The following ANK2 variants were observed in gnomAD, a reference collection of about 807,000 sequenced individuals.
ANK2 encodes the protein ankyrin 2.
ANK2 carries 83 observed loss-of-function variants against 360.5 expected under a neutral mutation model. That is an observed-to-expected ratio of 0.23 (90% CI 0.19 to 0.28). The LOEUF (loss-of-function observed/expected upper bound fraction) is 0.28, where lower values mean the gene tolerates loss of function less well. Ranked by LOEUF, ANK2 falls within the 10% of genes least tolerant of loss-of-function variation. ANK2 has a pLI of 1.00. For synonymous variants in ANK2, 1,740 were observed against 1,759.5 expected (o/e 0.99, Z 0.28); for missense variants, 4,201 against 4,795.7 (o/e 0.88, Z 3.66).
chr4:113,326,289 T>C (rs1339786802), intron 26 of ANK2, among the ~76,000 whole-genome samples: 4 of 152,202 alleles, frequency 2.6e-5, no homozygotes, highest in Non-Finnish European at 4.4e-5. Context: ...TATCAACTGT[T>C]GGGATTCACT....
intron 1 of ANK2, among the ~76,000 whole-genome samples, chr4:113,102,512 A>G (rs549300667): frequency 1.3e-5 from 2 of 152,216 alleles, no homozygotes; most frequent in Admixed American, 1.3e-4. Context: ...ATAGGCTAAG[A>G]AGAGAGGAAG....
At chr4:113,190,491 T>C (rs887870266) in intron 2 of ANK2, among the ~76,000 whole-genome samples, 1 of 151,636 alleles carries the variant, frequency 6.6e-6, no homozygotes, top group African/African-American at 2.4e-5. Context: ...TTTTTTTTTC[T>C]AATTTTGATG....
At chr4:112,748,849 A>G in the ANK2 span, among the ~76,000 whole-genome samples, 1 of 152,240 alleles carries the variant, frequency 6.6e-6, no homozygotes, top group Non-Finnish European at 1.5e-5. Flanking sequence ...AGCTGGAGGT[A>G]GAGATTGTCC....
At chr4:113,132,801 A>G (rs1423694230) in intron 1 of ANK2, among the ~76,000 whole-genome samples, 2 of 152,156 alleles carry the variant, frequency 1.3e-5, no homozygotes, top group Non-Finnish European at 2.9e-5. Flanking sequence ...TCCAGCAGCC[A>G]TCTATACTTG....
intron 2 of ANK2, among the ~76,000 whole-genome samples, chr4:112,915,118 C>T (rs146615341): frequency 6.6e-6 from 1 of 152,132 alleles, no homozygotes; most frequent in Non-Finnish European, 1.5e-5. Context: ...ATGAGTTCTA[C>T]TGAATTGAAC....
At chr4:112,917,303 C>A (rs2090159786) in intron 2 of ANK2, among the ~76,000 whole-genome samples, 1 of 152,220 alleles carries the variant, frequency 6.6e-6, no homozygotes, top group East Asian at 1.9e-4. Flanking sequence ...GTCAATTCTA[C>A]AAACTTTTAA....
chr4:112,710,614 C>T, the ANK2 span, among the ~76,000 whole-genome samples: 2 of 151,768 alleles, frequency 1.3e-5, no homozygotes, highest in African/African-American at 4.8e-5. Context: ...AGGAGAATAG[C>T]TTGGACTCAG....
intron 1 of ANK2, among the ~76,000 whole-genome samples, chr4:113,112,807 G>C (rs1427371593): frequency 6.6e-6 from 1 of 152,140 alleles, no homozygotes; most frequent in African/African-American, 2.4e-5. Flanking sequence ...CGCCTGTTTT[G>C]ATTTGGAGCT....
chr4:113,250,879 A>G (rs2045969460), intron 10 of ANK2, among the ~76,000 whole-genome samples: 1 of 151,958 alleles, frequency 6.6e-6, no homozygotes, highest in Non-Finnish European at 1.5e-5. Flanking sequence ...TTGAAACAAA[A>G]CTAGCCCATA....
At chr4:112,991,304 C>G (rs1369265093) in intron 2 of ANK2, among the ~76,000 whole-genome samples, 3 of 151,222 alleles carry the variant, frequency 2.0e-5, no homozygotes, top group African/African-American at 7.3e-5. Context: ...TATTAAAAAC[C>G]CTGTAGCACT....
chr4:112,907,396 A>C (rs2085597197), intron 2 of ANK2, among the ~76,000 whole-genome samples: 1 of 152,182 alleles, frequency 6.6e-6, no homozygotes, highest in Admixed American at 6.5e-5. Context: ...TTAGCTGCAA[A>C]ACCATTTTGA....
At chr4:113,129,318 G>A (rs946276230) in intron 1 of ANK2, among the ~76,000 whole-genome samples, 4 of 152,068 alleles carry the variant, frequency 2.6e-5, no homozygotes, top group African/African-American at 9.7e-5. Context: ...TTAGCAAATT[G>A]TTTTCAACTA....
At chr4:112,721,009 A>C in the ANK2 span, among the ~76,000 whole-genome samples, 4 of 152,116 alleles carry the variant, frequency 2.6e-5, no homozygotes, top group Non-Finnish European at 5.9e-5. Context: ...ACCAGCATCT[A>C]TTGGCTTCTT....
At chr4:112,936,431 C>T (rs146494923) in intron 2 of ANK2, among the ~76,000 whole-genome samples, 15 of 151,780 alleles carry the variant, frequency 9.9e-5, no homozygotes, top group Admixed American at 3.3e-4. Context: ...CTGCAGCCTC[C>T]GCCTCCGGCG....
intron 14 of ANK2, among the ~76,000 whole-genome samples, chr4:113,270,333 A>G (rs1322275725): frequency 6.6e-6 from 1 of 152,162 alleles, no homozygotes; most frequent in African/African-American, 2.4e-5. Context: ...GATATAACCC[A>G]TTATTACAAC....
the ANK2 span, among the ~76,000 whole-genome samples, chr4:112,751,375 C>T: frequency 2.6e-5 from 4 of 152,328 alleles, no homozygotes; most frequent in South Asian, 8.3e-4. Context: ...GCAGTCCAGT[C>T]CTGGCTCAGC....
At chr4:112,812,984 A>G in the ANK2 span, among the ~76,000 whole-genome samples, 2 of 152,116 alleles carry the variant, frequency 1.3e-5, no homozygotes, top group Non-Finnish European at 2.9e-5. Flanking sequence ...TCATACCTGT[A>G]ATCTCAGCAC....
intron 2 of ANK2, among the ~76,000 whole-genome samples, chr4:113,180,676 A>T (rs1441208811): frequency 2.0e-5 from 3 of 152,248 alleles, no homozygotes; most frequent in Non-Finnish European, 2.9e-5. Context: ...CTTTAAAAAT[A>T]CTAAAAACAA....
At chr4:112,743,028 G>A in the ANK2 span, among the ~76,000 whole-genome samples, 1 of 152,122 alleles carries the variant, frequency 6.6e-6, no homozygotes, top group Non-Finnish European at 1.5e-5. Context: ...TCTGATACTT[G>A]GCATGAAGAA....
Sources: gnomAD v4.1 joint callset for allele counts (sites outside exome capture counted in the v4.1 genomes callset) on GRCh38, gnomAD v4.1.1 for gene constraint, MANE v1.5 for transcripts, NCBI Gene and HGNC (gene_info 2026-07-23, HGNC 2026-07-21) for gene names.